The following MACROD2 variants were observed in gnomAD, a reference collection of about 807,000 sequenced individuals.
MACROD2 encodes the protein mono-ADP ribosylhydrolase 2, also known as ADP-ribose glycohydrolase MACROD2.
Under a neutral mutation model 70.4 loss-of-function variants are expected in MACROD2, and 36 were observed. The observed-to-expected ratio is 0.51, with a 90% CI of 0.39 to 0.68. The LOEUF is 0.68. Ranked by LOEUF, MACROD2 falls within the 30% of genes least tolerant of loss-of-function variation. MACROD2 has a pLI of 0.00. For synonymous variants in MACROD2, 172 were observed against 178.8 expected, an observed-to-expected ratio of 0.96 and a Z score of 0.30; for missense variants, 496 against 538.4, an observed-to-expected ratio of 0.92 and a Z score of 0.78.
intron 6 of MACROD2, among the ~76,000 whole-genome samples, chr20:15,422,509 C>G (rs1393625363): frequency 6.6e-6 from 1 of 151,976 alleles, no homozygotes; most frequent in East Asian, 1.9e-4. Flanking sequence ...CTTAGCTTTT[C>G]TCTTCTCCAT....
intron 13 of MACROD2, among the ~76,000 whole-genome samples, chr20:15,984,123 AACTTTTT>A (rs60487363): frequency 0.25 from 37,471 of 151,618 alleles, 4,957 homozygotes; most frequent in Non-Finnish European, 0.3. Flanking sequence ...GACTTTTTTT[AACTTTTT>A]ATAATTTTTG....
At chr20:15,470,862 C>A (rs547055873) in intron 7 of MACROD2, among the ~76,000 whole-genome samples, 1 of 152,184 alleles carries the variant, frequency 6.6e-6, no homozygotes, top group Non-Finnish European at 1.5e-5. Context: ...CTCCTCTCTG[C>A]CACCTTTGAT....
At chr20:15,549,151 A>G (rs1224142720) in intron 8 of MACROD2, among the ~76,000 whole-genome samples, 2 of 152,256 alleles carry the variant, frequency 1.3e-5, no homozygotes, top group African/African-American at 4.8e-5. Flanking sequence ...ATGCAGCAAT[A>G]ATAGCAGAAA....
intron 7 of MACROD2, among the ~76,000 whole-genome samples, chr20:15,495,976 G>A (rs1416490013): frequency 6.6e-6 from 1 of 152,114 alleles, no homozygotes; most frequent in African/African-American, 2.4e-5. Context: ...ATGACAGGAA[G>A]GCAAAATAAA....
intron 5 of MACROD2, among the ~76,000 whole-genome samples, chr20:14,712,128 TA>T (rs2071345978): frequency 6.6e-6 from 1 of 152,198 alleles, no homozygotes; most frequent in Non-Finnish European, 1.5e-5. Context: ...TATTTTTTAA[TA>T]TGGCCTCAGG....
chr20:14,532,968 A>T (rs1336002482), intron 4 of MACROD2, among the ~76,000 whole-genome samples: 2 of 152,168 alleles, frequency 1.3e-5, no homozygotes, highest in African/African-American at 4.8e-5. Flanking sequence ...AGTTTATGGG[A>T]ATCTGTTGTT....
At chr20:14,233,742 A>T (rs1013459431) in intron 3 of MACROD2, among the ~76,000 whole-genome samples, 4 of 151,532 alleles carry the variant, frequency 2.6e-5, no homozygotes, top group African/African-American at 9.7e-5. Flanking sequence ...ATGAACTAAC[A>T]AGTCATGAAA....
At chr20:14,524,581 A>G (rs2085208116) in intron 4 of MACROD2, among the ~76,000 whole-genome samples, 2 of 152,188 alleles carry the variant, frequency 1.3e-5, no homozygotes, top group African/African-American at 2.4e-5. Flanking sequence ...AAAAGGAAGG[A>G]CAGGATAAAG....
intron 3 of MACROD2, chr20:14,323,284 A>G (rs1368963636): frequency 6.6e-6 from 1 of 152,158 alleles, no homozygotes; most frequent in Non-Finnish European, 1.5e-5. Context: ...TTGCTACAAC[A>G]GCTCACAAAA....
In MACROD2 at chr20:15,872,270, A is replaced by G. The variant is rs373122786; in HGVS notation, c.727+9444A>G. Among the ~76,000 whole-genome samples, 26 of 152,264 alleles carry G rather than the reference A, an allele frequency of 1.7e-4. 1 individual carries two copies. The South Asian group carries it at 4.6e-3, about 27-fold the overall frequency. ...GGTCATCAGTTTTCCAAGAATAATA[A>G]TGAAGCACACAGTGTCATGAGCTGC... On this transcript the variant is annotated intron_variant, in intron 9 of 17. Coordinates refer to ENST00000684519, the MANE Select transcript of MACROD2 (RefSeq NM_001351661.2).
intron 5 of MACROD2, among the ~76,000 whole-genome samples, chr20:14,861,242 G>A (rs571929465): frequency 1.9e-4 from 29 of 152,218 alleles, no homozygotes; most frequent in African/African-American, 6.5e-4. Context: ...TGGGCAATGG[G>A]AAGATAATGT....
intron 3 of MACROD2, among the ~76,000 whole-genome samples, chr20:14,435,180 G>A (rs994904201): frequency 6.6e-6 from 1 of 152,086 alleles, no homozygotes; most frequent in Non-Finnish European, 1.5e-5. Flanking sequence ...GGTGGCTTTC[G>A]GAATTCCTTG....
intron 10 of MACROD2, among the ~76,000 whole-genome samples, chr20:15,928,848 T>G (rs1433132791): frequency 6.6e-6 from 1 of 152,236 alleles, no homozygotes; most frequent in African/African-American, 2.4e-5. Flanking sequence ...ATTTTACTTT[T>G]CAAATATGTA....
At chr20:15,842,244 G>C (rs147857459) in intron 8 of MACROD2, among the ~76,000 whole-genome samples, 1 of 152,142 alleles carries the variant, frequency 6.6e-6, no homozygotes, top group African/African-American at 2.4e-5. Context: ...GGACCTACAG[G>C]TGCATGCCAC....
chr20:15,044,792 GTC>G, intron 5 of MACROD2, among the ~76,000 whole-genome samples: 1 of 151,928 alleles, frequency 6.6e-6, no homozygotes, highest in East Asian at 1.9e-4. Flanking sequence ...TTTGTAAATA[GTC>G]TCTATTAAAC....
At chr20:14,599,502 C>T (rs960256014) in intron 4 of MACROD2, among the ~76,000 whole-genome samples, 1 of 152,114 alleles carries the variant, frequency 6.6e-6, no homozygotes, top group South Asian at 2.1e-4. Context: ...TGTAATACTC[C>T]TGTTTGGCTG....
chr20:14,980,829 C>T (rs964062797), intron 5 of MACROD2, among the ~76,000 whole-genome samples: 1 of 152,140 alleles, frequency 6.6e-6, no homozygotes, highest in Non-Finnish European at 1.5e-5. Flanking sequence ...AGGTCTTCAG[C>T]AAATCATGTC....
intron 5 of MACROD2, among the ~76,000 whole-genome samples, chr20:15,143,974 A>ACC (rs1442412893): frequency 1.5e-4 from 22 of 146,330 alleles, no homozygotes; most frequent in African/African-American, 3.5e-4. Context: ...AAAAAAAAAA[A>ACC]ACCTCATAAT....
chr20:14,866,454 T>C (rs1180456786), intron 5 of MACROD2, among the ~76,000 whole-genome samples: 1 of 152,168 alleles, frequency 6.6e-6, no homozygotes, highest in Non-Finnish European at 1.5e-5. Flanking sequence ...TTTAACCTTC[T>C]CAATGCTATA....
Sources: allele counts gnomAD v4.1 joint callset (sites outside exome capture counted in the v4.1 genomes callset), GRCh38; gene constraint gnomAD v4.1.1; transcripts MANE v1.5; gene names NCBI Gene and HGNC (gene_info 2026-07-23, HGNC 2026-07-21).